Variants in CTNNA1 observed in about 807,000 individuals in gnomAD.
CTNNA1 encodes the protein catenin alpha 1.
Under a neutral mutation model 98.4 loss-of-function variants are expected in CTNNA1, and 37 were observed. The ratio of observed to expected loss-of-function variants is 0.38; its 90% confidence interval spans 0.29 to 0.49. The LOEUF is 0.49. Ranked by LOEUF, CTNNA1 falls within the 20% of genes least tolerant of loss-of-function variation. CTNNA1 has a pLI of 0.95. For synonymous variants in CTNNA1, 404 were observed against 413.2 expected, an observed-to-expected ratio of 0.98 and a Z score of 0.27; for missense variants, 761 against 1,147.2, an observed-to-expected ratio of 0.66 and a Z score of 4.86.
chr5:138,769,589 A>G (rs1753307242), intron 1 of CTNNA1, among the ~76,000 whole-genome samples: 1 of 151,408 alleles, frequency 6.6e-6, no homozygotes, highest in Non-Finnish European at 1.5e-5. Context: ...CCGGAGTGCA[A>G]TGGTGCGATC....
chr5:138,766,451 G>T (rs825673), intron 1 of CTNNA1, among the ~76,000 whole-genome samples: 2,384 of 137,396 alleles, frequency 0.017, 44 homozygotes, highest in African/African-American at 0.045. Flanking sequence ...ACCATGTTTT[G>T]TTTTTTTTTT....
chr5:138,858,582 CTTTTTCTTTTTCTTTTTTTT>C (rs1763944990), intron 7 of CTNNA1, among the ~76,000 whole-genome samples: 1 of 65,880 alleles, frequency 1.5e-5, no homozygotes, highest in Non-Finnish European at 2.8e-5. Context: ...GCTTTTTTTT[CTTTTTCTTTTTCTTTTTTTT>C]TTTTTTTTTT....
At chr5:138,823,988 T>G (rs1160470701) in intron 5 of CTNNA1, among the ~76,000 whole-genome samples, 1 of 116,824 alleles carries the variant, frequency 8.6e-6, no homozygotes. Flanking sequence ...AAAAAAAAAT[T>G]ATGTAACTTG....
chr5:138,898,601 T>TAAA (rs74525874), intron 9 of CTNNA1, among the ~76,000 whole-genome samples: 3 of 143,136 alleles, frequency 2.1e-5, no homozygotes, highest in African/African-American at 7.7e-5. Flanking sequence ...GACCCTGTCT[T>TAAA]AAAAAAAAAA....
intron 10 of CTNNA1, among the ~76,000 whole-genome samples, chr5:138,910,221 CTTTTCTT>C (rs1171808015): frequency 2.8e-5 from 2 of 71,618 alleles, no homozygotes; most frequent in African/African-American, 1.1e-4. Flanking sequence ...GTGTTTCCTA[CTTTTCTT>C]TTTTTTTTTT....
chr5:138,812,482 C>T (rs1409847035), intron 5 of CTNNA1, among the ~76,000 whole-genome samples, 180 bp downstream of exon 5: 1 of 152,146 alleles, frequency 6.6e-6, no homozygotes, highest in African/African-American at 2.4e-5. Context: ...AATTACATTG[C>T]ATTCATGTTA....
chr5:138,760,803 T>G (rs530627718), intron 1 of CTNNA1, among the ~76,000 whole-genome samples: 73 of 152,350 alleles, frequency 4.8e-4, no homozygotes, highest in Non-Finnish European at 9.6e-4. Flanking sequence ...TTTTCCACTT[T>G]AGACATTCTT....
At chr5:138,787,785 T>C (rs781266382) in intron 3 of CTNNA1, among the ~76,000 whole-genome samples, 14 of 152,234 alleles carry the variant, frequency 9.2e-5, no homozygotes, top group Non-Finnish European at 1.8e-4. Context: ...TGTTAGACCC[T>C]GATTACATAA....
intron 1 of CTNNA1, among the ~76,000 whole-genome samples, chr5:138,779,723 G>GT (rs34599573): frequency 1.3e-3 from 31 of 24,564 alleles, no homozygotes; most frequent in South Asian, 4.7e-3. Context: ...TTTTGTTTTT[G>GT]TTTTTTTTTT....
intron 7 of CTNNA1, among the ~76,000 whole-genome samples, chr5:138,834,224 C>T (rs923408405): frequency 6.6e-6 from 1 of 152,128 alleles, no homozygotes; most frequent in African/African-American, 2.4e-5. Context: ...CTACACTTTT[C>T]TTTTCTTCAG....
chr5:138,891,496 C>T (rs1469253184), intron 9 of CTNNA1, among the ~76,000 whole-genome samples: 1 of 152,126 alleles, frequency 6.6e-6, no homozygotes, highest in Non-Finnish European at 1.5e-5. Context: ...CACTGTGGCC[C>T]ATGCCTGTAA....
chr5:138,877,482 C>A (rs1336939921), intron 7 of CTNNA1, among the ~76,000 whole-genome samples: 16 of 151,324 alleles, frequency 1.1e-4, no homozygotes, highest in African/African-American at 3.4e-4. Flanking sequence ...GCTCTGTCGC[C>A]CAGGCCGGAC....
chr5:138,914,623 A>G (rs544957288), intron 10 of CTNNA1, among the ~76,000 whole-genome samples: 1 of 151,950 alleles, frequency 6.6e-6, no homozygotes, highest in Non-Finnish European at 1.5e-5. Flanking sequence ...AGCGGCACCA[A>G]TCTAGTGGGC....
chr5:138,918,867 C>T (rs925347412), intron 11 of CTNNA1, among the ~76,000 whole-genome samples: 18 of 152,132 alleles, frequency 1.2e-4, no homozygotes, highest in Admixed American at 7.2e-4. Context: ...CGGGCTAGAA[C>T]GTGGCAGTAG....
intron 14 of CTNNA1, among the ~76,000 whole-genome samples, chr5:138,930,062 A>G (rs1264486626): frequency 6.6e-6 from 1 of 152,212 alleles, no homozygotes; most frequent in Non-Finnish European, 1.5e-5. Flanking sequence ...TCAGGTGTAC[A>G]TTCTAAAGCC....
At chr5:138,904,640 T>A in intron 10 of CTNNA1, 199 bp downstream of exon 10, 1 of 646,484 alleles carries the variant, frequency 1.5e-6, no homozygotes, top group Non-Finnish European at 2.5e-6. Context: ...GGAGATTACA[T>A]GTTACTCCTG....
chr5:138,931,768 G>A (rs1034204522), intron 16 of CTNNA1: 2 of 985,390 alleles, frequency 2.0e-6, no homozygotes, highest in South Asian at 9.4e-5. Flanking sequence ...GCTCTGCCCT[G>A]CTTCCATGAC....
At chr5:138,793,266 A>G (rs576999953) in intron 3 of CTNNA1, among the ~76,000 whole-genome samples, 4 of 152,320 alleles carry the variant, frequency 2.6e-5, no homozygotes, top group East Asian at 1.9e-4. Context: ...GACTTAAACT[A>G]TAAGTCTTTA....
chr5:138,923,833 G>A (rs1439766117), intron 11 of CTNNA1, among the ~76,000 whole-genome samples: 5 of 152,212 alleles, frequency 3.3e-5, no homozygotes, highest in African/African-American at 9.6e-5. Flanking sequence ...GTTTTGGTGT[G>A]TTGCCCAAAT....
Sources: allele counts gnomAD v4.1 joint callset (sites outside exome capture counted in the v4.1 genomes callset), GRCh38; gene constraint gnomAD v4.1.1; transcripts MANE v1.5; gene names NCBI Gene and HGNC (gene_info 2026-07-23, HGNC 2026-07-21).